Variants in SETD5 observed in about 807,000 individuals in gnomAD.
SETD5 encodes the protein SET domain containing 5, also known as histone-lysine N-methyltransferase SETD5.
Under a neutral mutation model 153.3 loss-of-function variants are expected in SETD5, and 44 were observed. The observed-to-expected ratio is 0.29, with a 90% confidence interval of 0.23 to 0.37. The LOEUF is 0.37. Among genes scored for constraint, SETD5 ranks in the 10% least tolerant of loss-of-function variants. The pLI is 1.00. For missense variants in SETD5, 1,544 were observed against 1,768.0 expected (o/e 0.87, Z 2.27); for synonymous variants, 716 against 645.2 (o/e 1.11, Z -1.66).
chr3:9,427,338 G>A (rs2039404871), intron 2 of SETD5, among the ~76,000 whole-genome samples: 1 of 152,180 alleles, frequency 6.6e-6, no homozygotes, highest in African/African-American at 2.4e-5. Context: ...ATCACCGGAG[G>A]TCAGGAGTTC....
chr3:9,425,906 T>C (rs2039115885), intron 2 of SETD5, among the ~76,000 whole-genome samples: 1 of 152,204 alleles, frequency 6.6e-6, no homozygotes, highest in Non-Finnish European at 1.5e-5. Flanking sequence ...TTCCCTTTGC[T>C]GATCAGGGGA....
intron 1 of SETD5, among the ~76,000 whole-genome samples, chr3:9,409,882 T>A (rs1275062868): frequency 2.6e-5 from 4 of 152,220 alleles, no homozygotes; most frequent in African/African-American, 7.2e-5. Flanking sequence ...CTAACACCAA[T>A]GTAATTTCTC....
intron 3 of SETD5, chr3:9,432,170 C>T (rs1020686350): frequency 2.1e-5 from 8 of 378,408 alleles, no homozygotes; most frequent in Non-Finnish European, 2.9e-5. Context: ...TGATGTACCC[C>T]TCCCCCGTTC....
At chr3:9,405,190 G>A (rs375679199) in intron 1 of SETD5, among the ~76,000 whole-genome samples, 74 of 152,268 alleles carry the variant, frequency 4.9e-4, no homozygotes, top group African/African-American at 1.7e-3. Context: ...AGAAAGAAAG[G>A]TTTTAAGCAT....
chr3:9,456,944 C>T (rs1369398684), intron 17 of SETD5, among the ~76,000 whole-genome samples: 1 of 151,802 alleles, frequency 6.6e-6, no homozygotes, highest in Non-Finnish European at 1.5e-5. Flanking sequence ...CCACTGCACT[C>T]CAGCCTGGCA....
rs1172019007 is a variant in SETD5, at chr3:9,445,637, A to G, written c.1441-20A>G. 1.9e-6 allele frequency: 3 copies of G among 1,599,212 alleles called. No individual in the cohort carries two copies. The highest frequency in any genetic ancestry group is 1.7e-5 in the Admixed American group (1 of 59,746). On this transcript the variant is annotated intron_variant, in intron 12 of 22. Transcript: ENST00000402198. ...TTTCTCAGAGCTTGAGTACAGCTGAATATTGCCTCTATCTTAAAGGAAGTA... is the reference window on the plus strand; with the variant it reads ...TTTCTCAGAGCTTGAGTACAGCTGAGTATTGCCTCTATCTTAAAGGAAGTA...
Position 9,425,055 on chromosome 3 carries a change from C to CTTTTTTTTTTTTTTTT in SETD5, c.-117+537_-117+552dup, listed in dbSNP as rs778883904. On this transcript the variant is annotated intron_variant, in intron 2 of 22. Coordinates refer to ENST00000402198, the MANE Select transcript of SETD5 (RefSeq NM_001080517.3). ...AAATTTATAGTTACCGACAATGTTT[C>CTTTTTTTTTTTTTTTT]TTTTTTTTTTTTTTTTTTTTTTTGA... Among the ~76,000 whole-genome samples, 24 of 83,640 alleles carry CTTTTTTTTTTTTTTTT rather than the reference C, an allele frequency of 2.9e-4. 2 individuals carry two copies. Among genetic ancestry groups the CTTTTTTTTTTTTTTTT allele is most frequent in the African/African-American group, 1.0e-3 (21 of 20,434 alleles). 54.9% of individuals were successfully genotyped at this position (83,640 alleles called of 152,430 possible).
intron 18 of SETD5, among the ~76,000 whole-genome samples, chr3:9,469,970 G>A (rs1487585327): frequency 2.0e-5 from 3 of 152,014 alleles, no homozygotes; most frequent in East Asian, 1.9e-4. Context: ...TTGCCTTTCC[G>A]TCTACCTTCT....
At chr3:9,431,167 T>C in intron 3 of SETD5, 1 of 985,446 alleles carries the variant, frequency 1.0e-6, no homozygotes, top group South Asian at 4.7e-5. Flanking sequence ...TTTATTTTTG[T>C]GTGTGTTTGT....
chr3:9,459,555 G>A (rs2043675564), intron 17 of SETD5, among the ~76,000 whole-genome samples: 1 of 151,568 alleles, frequency 6.6e-6, no homozygotes, highest in Non-Finnish European at 1.5e-5. Context: ...CGGATCACGA[G>A]GTCAGGAGAT....
At chr3:9,452,323 C>T (rs1013128244) in intron 16 of SETD5, among the ~76,000 whole-genome samples, 3 of 152,198 alleles carry the variant, frequency 2.0e-5, no homozygotes, top group Non-Finnish European at 2.9e-5. Flanking sequence ...AGATTTTTCA[C>T]TCCTGAGCCT....
chr3:9,400,748 C>T (rs2034632681), intron 1 of SETD5, among the ~76,000 whole-genome samples: 1 of 152,104 alleles, frequency 6.6e-6, no homozygotes, highest in African/African-American at 2.4e-5. Flanking sequence ...GTAGGACAGA[C>T]CAGAAGAAAT....
chr3:9,458,086 G>T (rs1417442985), intron 17 of SETD5, among the ~76,000 whole-genome samples: 1 of 152,096 alleles, frequency 6.6e-6, no homozygotes, highest in African/African-American at 2.4e-5. Flanking sequence ...AAATGTAAAA[G>T]TTGGTAAATT....
chr3:9,452,004 C>T (rs1395958109), intron 16 of SETD5, among the ~76,000 whole-genome samples: 1 of 152,066 alleles, frequency 6.6e-6, no homozygotes, highest in African/African-American at 2.4e-5. Context: ...AAACAAATGT[C>T]CATGTTCCTT....
intron 16 of SETD5, among the ~76,000 whole-genome samples, chr3:9,452,386 C>T (rs2042719514): frequency 6.6e-6 from 1 of 152,172 alleles, no homozygotes; most frequent in Non-Finnish European, 1.5e-5. Context: ...TCTAAGTTCT[C>T]TTCTAAGCTT....
intron 1 of SETD5, among the ~76,000 whole-genome samples, chr3:9,413,232 A>G (rs2036863133): frequency 6.6e-6 from 1 of 152,186 alleles, no homozygotes; most frequent in Non-Finnish European, 1.5e-5. Flanking sequence ...ATATATAATG[A>G]GTTTATACTA....
intron 17 of SETD5, among the ~76,000 whole-genome samples, chr3:9,464,132 A>G (rs2044293455): frequency 6.6e-6 from 1 of 151,260 alleles, no homozygotes; most frequent in African/African-American, 2.5e-5. Flanking sequence ...TGTCTCATAA[A>G]TAAATAAATG....
rs778883904 is a variant in SETD5 at position 9,425,055 on chromosome 3, CTTTTTTTTTTT to C, written c.-117+542_-117+552del. Among the ~76,000 whole-genome samples, 22 of 83,644 alleles carry C rather than the reference CTTTTTTTTTTT, an allele frequency of 2.6e-4. No homozygotes were observed. The East Asian group carries it at 6.0e-3, about 23-fold the overall frequency. 54.9% of individuals were successfully genotyped at this position (83,644 alleles called of 152,430 possible). ...AAATTTATAGTTACCGACAATGTTT[CTTTTTTTTTTT>C]TTTTTTTTTTTTGAGACAGAGTATC... On this transcript the variant is annotated intron_variant, in intron 2 of 22. Coordinates refer to ENST00000402198, the MANE Select transcript of SETD5 (RefSeq NM_001080517.3).
intron 18 of SETD5, among the ~76,000 whole-genome samples, chr3:9,466,734 A>G (rs143471284): frequency 1.6e-3 from 237 of 152,204 alleles, no homozygotes; most frequent in African/African-American, 5.2e-3. Flanking sequence ...ACGTATAAAG[A>G]CCAGCTTAGG....
Sources: allele counts gnomAD v4.1 joint callset (sites outside exome capture counted in the v4.1 genomes callset), GRCh38; gene constraint gnomAD v4.1.1; transcripts MANE v1.5; gene names NCBI Gene and HGNC (gene_info 2026-07-23, HGNC 2026-07-21).